The following NKD1 variants were observed in gnomAD, a reference collection of about 807,000 sequenced individuals.
NKD1 encodes the protein protein naked cuticle homolog 1.
A neutral mutation model predicts 56.0 loss-of-function variants in NKD1; 21 were observed. That is an observed-to-expected ratio of 0.38 (90% CI 0.27 to 0.54). The LOEUF is 0.54. Ranked by LOEUF, NKD1 falls within the 20% of genes least tolerant of loss-of-function variation. The probability of loss-of-function intolerance (pLI) is 0.82; values close to 1 mark genes in which losing one functional copy is unlikely to be tolerated. For synonymous variants in NKD1, 263 were observed against 265.7 expected (o/e 0.99, Z 0.10); for missense variants, 578 against 642.7 (o/e 0.90, Z 1.09).
chr16:50,644,458 G>A lies in NKD1; in HGVS notation c.*10677G>A, dbSNP rs1268277981. ...GTTGATAGAATTCATAAAGACAGAT[G>A]GGAAAAGGGGCACCCCTCTTGCGGG... On this transcript the variant is annotated 3_prime_UTR_variant, in exon 10 of 10. Transcript: ENST00000268459. 1.3e-5 allele frequency: 2 copies of A among 152,256 alleles called. No homozygotes were observed. The highest frequency in any genetic ancestry group is 6.5e-5 in the Admixed American group (1 of 15,286). The allele number at this position is 152,256 out of a possible 1,614,324, so 9.4% of individuals were successfully genotyped here.
rs1458306359 is a variant in NKD1, at chr16:50,645,408, G to A, written c.*11627G>A. The A allele has an allele frequency of 6.6e-6, 1 of 152,632 alleles. No individual in the cohort carries two copies. Among genetic ancestry groups the A allele is most frequent in the Non-Finnish European group, 1.5e-5 (1 of 68,372 alleles). The allele number at this position is 152,632 out of a possible 1,614,324, so 9.5% of individuals were successfully genotyped here. ...AGGTGGAAAGTTAGAGGGAGCAGCT[G>A]GTACAAGGGCCTCAAGGGTGGATGG... On this transcript the variant is annotated 3_prime_UTR_variant, in exon 10 of 10. Transcript: ENST00000268459.
At chr16:50,573,816 A>T in intron 3 of NKD1, 1 of 985,362 alleles carries the variant, frequency 1.0e-6, no homozygotes, top group Non-Finnish European at 1.2e-6. Context: ...GAGAACTCTC[A>T]CGGAAACGGG....
chr16:50,570,900 T>G, intron 3 of NKD1: 1 of 985,370 alleles, frequency 1.0e-6, no homozygotes, highest in Non-Finnish European at 1.2e-6. Context: ...ATTGGAGTGA[T>G]GTAGCCCCCA....
rs1406693211 is a variant in NKD1, at chr16:50,598,607, C to A, written c.193-9687C>A. The stretch of plus-strand genomic sequence containing the variant: ...CTAGACCCTGGCAGCAGACCGGGGG[C>A]CTGTCCCAGGGCCAGGAACTGCTGG... On this transcript the variant is annotated intron_variant, in intron 3 of 9. Transcript: ENST00000268459. The surrounding 1 kb of genome is among the most constrained non-coding windows in gnomAD (Gnocchi z 4.2). Among the ~76,000 whole-genome samples, 1 of 152,170 alleles carries A rather than the reference C, an allele frequency of 6.6e-6. No homozygotes were observed. The highest frequency in any genetic ancestry group is 1.5e-5 in the Non-Finnish European group (1 of 68,026).
intron 5 of NKD1, among the ~76,000 whole-genome samples, chr16:50,622,718 G>T (rs1302183922): frequency 6.6e-6 from 1 of 152,212 alleles, no homozygotes; most frequent in Non-Finnish European, 1.5e-5. Context: ...GGTCTAAAGT[G>T]CTTAAGAGGG....
At chr16:50,566,871 T>A (rs888438969) in intron 3 of NKD1, among the ~76,000 whole-genome samples, 1 of 152,126 alleles carries the variant, frequency 6.6e-6, no homozygotes, top group African/African-American at 2.4e-5. Context: ...CCTCAAGGAG[T>A]GAGTAACAAG....
intron 3 of NKD1, among the ~76,000 whole-genome samples, chr16:50,576,746 C>T (rs1596715785): frequency 2.8e-5 from 4 of 144,348 alleles, no homozygotes; most frequent in Admixed American, 6.9e-5. Context: ...CAATAAAGTG[C>T]TTTTTTTTTT....
intron 3 of NKD1, among the ~76,000 whole-genome samples, chr16:50,550,312 C>G (rs564432096): frequency 3.3e-5 from 5 of 152,194 alleles, no homozygotes; most frequent in Middle Eastern, 3.4e-3. Flanking sequence ...CTCGCGCAAG[C>G]CTAGGATCAA....
chr16:50,610,546 GT>G (rs1310652070), intron 4 of NKD1, among the ~76,000 whole-genome samples: 1 of 152,234 alleles, frequency 6.6e-6, no homozygotes, highest in African/African-American at 2.4e-5. Flanking sequence ...GGACTGAGGG[GT>G]CCCTCTGTGC....
intron 3 of NKD1, among the ~76,000 whole-genome samples, chr16:50,603,728 C>T (rs1420885526): frequency 6.6e-6 from 1 of 152,242 alleles, no homozygotes; most frequent in East Asian, 1.9e-4. Context: ...CCCAAGGCTG[C>T]TTTGATGTGG....
At chr16:50,595,571 G>A (rs984564933) in intron 3 of NKD1, among the ~76,000 whole-genome samples, 5 of 152,052 alleles carry the variant, frequency 3.3e-5, no homozygotes, top group East Asian at 1.9e-4. Context: ...GGAGTGCTCC[G>A]TTTCTCCCAG....
intron 3 of NKD1, among the ~76,000 whole-genome samples, chr16:50,596,892 A>G (rs1961484302): frequency 6.6e-6 from 1 of 152,216 alleles, no homozygotes; most frequent in African/African-American, 2.4e-5. Flanking sequence ...TTCCGGGTAG[A>G]GGGAACAGCG....
Position 50,644,233 on chromosome 16 carries a change from G to C in NKD1, c.*10452G>C, listed in dbSNP as rs982249420. On this transcript the variant is annotated 3_prime_UTR_variant, in exon 10 of 10. Coordinates refer to ENST00000268459, the MANE Select transcript of NKD1 (RefSeq NM_033119.5). ...CACGGAGGGTGAGGATCCACCGTAT[G>C]TACTTATCTATGCCTCTAATTATTT... 2 of 152,262 alleles carry C rather than the reference G, an allele frequency of 1.3e-5. No individual in the cohort carries two copies. Among genetic ancestry groups the C allele is most frequent in the African/African-American group, 4.8e-5 (2 of 41,476 alleles). The allele number at this position is 152,262 out of a possible 1,614,324, so 9.4% of individuals were successfully genotyped here.
At chr16:50,560,743 GTAAA>G (rs969254054) in intron 3 of NKD1, among the ~76,000 whole-genome samples, 25 of 150,576 alleles carry the variant, frequency 1.7e-4, no homozygotes, top group Non-Finnish European at 2.5e-4. Context: ...TATAGTAAGA[GTAAA>G]TATTGTTTTG....
In NKD1 at chr16:50,630,291, G is replaced by T. The variant is rs1315067177; in HGVS notation, c.568G>T (p.Asp190Tyr). Residue 190 changes from aspartate to tyrosine, a missense_variant, in exon 7 of 10, where the codon GAT (aspartate) becomes TAT (tyrosine). Asp to Tyr is a radical substitution (Grantham distance 160). Transcript: ENST00000268459. ...GCGGGTAAAGCTCACCGTGGCCCCC[G>T]ATGGCAGCCAGAGCAAGAGGAGCGT... is the stretch of plus-strand genomic sequence containing the variant. ...MLRVKLTVAP[D>Y]GSQSKRSVLV... 1 of 1,614,136 alleles carries T rather than the reference G, an allele frequency of 6.2e-7. No individual in the cohort carries two copies. The highest frequency in any genetic ancestry group is 1.7e-5 in the Admixed American group (1 of 60,036).
chr16:50,588,645 C>CAGGTTGGA (rs1193821487), intron 3 of NKD1, among the ~76,000 whole-genome samples: 1 of 146,690 alleles, frequency 6.8e-6, no homozygotes, highest in East Asian at 2.0e-4. Flanking sequence ...CTCTGTTGCC[C>CAGGTTGGA]AGGTTGGAGA....
intron 3 of NKD1, among the ~76,000 whole-genome samples, chr16:50,588,923 T>C (rs1177271245): frequency 6.6e-6 from 1 of 152,130 alleles, no homozygotes; most frequent in African/African-American, 2.4e-5. Context: ...TTAACTACTG[T>C]CTGCCTCAGT....
chr16:50,615,873 G>A (rs186106939), intron 4 of NKD1, among the ~76,000 whole-genome samples: 1 of 152,206 alleles, frequency 6.6e-6, no homozygotes, highest in Non-Finnish European at 1.5e-5. Flanking sequence ...TACAAACAGA[G>A]GTGGGATCGC....
At chr16:50,619,001 C>T (rs1962027441) in intron 4 of NKD1, among the ~76,000 whole-genome samples, 1 of 152,054 alleles carries the variant, frequency 6.6e-6, no homozygotes. Context: ...ACAGAGGTTC[C>T]TTTTCTTTGG....
Sources: allele counts gnomAD v4.1 joint callset (sites outside exome capture counted in the v4.1 genomes callset), GRCh38; gene constraint gnomAD v4.1.1; non-coding constraint Gnocchi (gnomAD v3.1); transcripts MANE v1.5; gene names NCBI Gene and HGNC (gene_info 2026-07-23, HGNC 2026-07-21).